Variants in PDXDC1 observed in about 807,000 individuals in gnomAD.
PDXDC1 encodes the protein pyridoxal dependent decarboxylase domain containing 1, also known as pyridoxal-dependent decarboxylase domain-containing protein 1.
In PDXDC1, 42 loss-of-function variants were observed where a neutral mutation model predicts 100.1. The observed-to-expected ratio is 0.42, with a 90% CI of 0.33 to 0.54. The LOEUF is 0.54. Ranked by LOEUF, PDXDC1 falls within the 20% of genes least tolerant of loss-of-function variation. The probability of loss-of-function intolerance (pLI) is 0.10; values close to 1 mark genes in which losing one functional copy is unlikely to be tolerated. For missense variants in PDXDC1, 636 were observed against 979.2 expected (o/e 0.65, Z 4.68); for synonymous variants, 260 against 371.7 (o/e 0.70, Z 3.46).
At chr16:15,104,336 T>A in intron 16 of PDXDC1, 1 of 1,581,316 alleles carries the variant, frequency 6.3e-7, no homozygotes, top group Non-Finnish European at 8.6e-7. Flanking sequence ...ATATTATTTA[T>A]TTATTCTTCG....
Position 15,135,614 on chromosome 16 carries a change from G to A in PDXDC1, c.1400-3265G>A. On this transcript the variant is annotated intron_variant, in intron 16 of 16. Transcript: ENST00000535621. ...TCTGGGCTCATGGGTGTGGACGGGT[G>A]AGGGGCATGGAGGACGGCCCTGCCA... 2.5e-5 allele frequency: 39 copies of A among 1,532,832 alleles called. 1 individual carries two copies. Among genetic ancestry groups the A allele is most frequent in the Non-Finnish European group, 3.4e-5 (38 of 1,115,148 alleles). The allele number at this position is 1,532,832 out of a possible 1,614,324, so 95.0% of individuals were successfully genotyped here. A position where few individuals can be genotyped will look rare whatever the true frequency, so the allele number is the denominator to read the frequency against.
At chr16:14,983,636 ACAG>A (rs1387750727) in intron 1 of PDXDC1, among the ~76,000 whole-genome samples, 1 of 152,208 alleles carries the variant, frequency 6.6e-6, no homozygotes, top group East Asian at 1.9e-4. Context: ...TATGTCTTAA[ACAG>A]CAGTTATTCA....
At chr16:15,130,783 G>T (rs1270880089) in intron 16 of PDXDC1, 19 of 1,060,398 alleles carry the variant, frequency 1.8e-5, no homozygotes, top group Non-Finnish European at 2.5e-5. Flanking sequence ...TCCTCAGACA[G>T]GTAGCGGCCT....
intron 2 of PDXDC1, 84 bp downstream of exon 2, chr16:14,997,910 C>G (rs754349469): frequency 1.4e-6 from 2 of 1,426,856 alleles, no homozygotes; most frequent in Non-Finnish European, 9.5e-7. Flanking sequence ...TTAAAGGTGC[C>G]TCTTGGCTTC....
chr16:15,014,909 G>T (rs1319680372), intron 8 of PDXDC1, among the ~76,000 whole-genome samples: 1 of 152,198 alleles, frequency 6.6e-6, no homozygotes, highest in Non-Finnish European at 1.5e-5. Flanking sequence ...AGGAACCTGG[G>T]TGGAAACAAA....
chr16:15,000,830 T>C (rs1294674768), intron 3 of PDXDC1, among the ~76,000 whole-genome samples: 3 of 151,088 alleles, frequency 2.0e-5, no homozygotes, highest in Non-Finnish European at 2.9e-5. Flanking sequence ...AAATTAGATA[T>C]ACCAGTGGCA....
intron 16 of PDXDC1, among the ~76,000 whole-genome samples, chr16:15,063,827 C>T (rs948487925): frequency 6.6e-6 from 1 of 152,030 alleles, no homozygotes; most frequent in Non-Finnish European, 1.5e-5. Flanking sequence ...TATTGAACTA[C>T]CGTTTTTCAT....
chr16:15,074,638 T>C, intron 16 of PDXDC1: 3 of 967,012 alleles, frequency 3.1e-6, no homozygotes, highest in Non-Finnish European at 4.5e-6. Context: ...ATTTTTAGTA[T>C]TACTAGAGAT....
chr16:15,083,543 A>T, intron 16 of PDXDC1: 2 of 1,609,324 alleles, frequency 1.2e-6, no homozygotes, highest in South Asian at 1.1e-5. Flanking sequence ...GAACAAATGG[A>T]AATTTTTCCA....
chr16:14,999,216 A>G (rs1972630359), intron 3 of PDXDC1, among the ~76,000 whole-genome samples: 1 of 152,268 alleles, frequency 6.6e-6, no homozygotes, highest in Admixed American at 6.5e-5. Context: ...ATAGGCACCC[A>G]CCACCACGCC....
At chr16:15,092,434 T>C in intron 16 of PDXDC1, 2 of 850,410 alleles carry the variant, frequency 2.4e-6, no homozygotes, top group Non-Finnish European at 4.0e-6. Context: ...GCTATTTCTA[T>C]TGGTCTTTAG....
In PDXDC1 at chr16:15,034,448, G is replaced by C; in HGVS notation, c.1906-9G>C. 3.7e-6 allele frequency: 6 copies of C among 1,614,068 alleles called. No homozygotes were observed. Among genetic ancestry groups the C allele is most frequent in the Non-Finnish European group, 5.1e-6 (6 of 1,179,980 alleles). ...CCAGGTGGCCCTGAACTCTGGTCCT[G>C]TCTTGCAGGGGGTGTTGCGGCAGAT... On this transcript the variant is annotated splice_polypyrimidine_tract_variant and intron_variant, in intron 20 of 22. Transcript: ENST00000396410.
intron 4 of PDXDC1, among the ~76,000 whole-genome samples, chr16:15,003,546 C>T (rs1184519131): frequency 1.3e-5 from 2 of 152,276 alleles, no homozygotes; most frequent in African/African-American, 4.8e-5. Context: ...ATGCTTTCAG[C>T]TCATTTTACC....
At chr16:15,088,281 G>A (rs150118691) in intron 16 of PDXDC1, among the ~76,000 whole-genome samples, 1 of 152,166 alleles carries the variant, frequency 6.6e-6, no homozygotes, top group Non-Finnish European at 1.5e-5. Context: ...TTTGAGACCA[G>A]CCTGGGCAAC....
At chr16:15,029,216 A>C (rs1468554309) in intron 15 of PDXDC1, 2 of 613,698 alleles carry the variant, frequency 3.3e-6, no homozygotes, top group Non-Finnish European at 5.8e-6. Context: ...GTGAGACAAC[A>C]GGCAAAAGGT....
intron 1 of PDXDC1, among the ~76,000 whole-genome samples, chr16:14,990,543 G>A (rs1378937961): frequency 1.3e-5 from 2 of 152,276 alleles, no homozygotes; most frequent in African/African-American, 2.4e-5. Flanking sequence ...GCATTCATTG[G>A]TTTAGATCTT....
chr16:15,044,288 C>G (rs757361107), intron 16 of PDXDC1: 1 of 1,310,810 alleles, frequency 7.6e-7, no homozygotes, highest in African/African-American at 1.5e-5. Flanking sequence ...AATATGGGTA[C>G]ATATTTATGT....
chr16:14,984,118 G>A (rs1448131774), intron 1 of PDXDC1, among the ~76,000 whole-genome samples: 2 of 152,156 alleles, frequency 1.3e-5, no homozygotes, highest in African/African-American at 4.8e-5. Flanking sequence ...AGCCACGATA[G>A]TGCCGCTGCA....
intron 16 of PDXDC1, chr16:15,134,898 C>G: frequency 2.9e-6 from 1 of 347,932 alleles, no homozygotes; most frequent in Non-Finnish European, 5.6e-6. Flanking sequence ...ACCACGGGCT[C>G]AGGGTCACCA....
Sources: allele counts gnomAD v4.1 joint callset (sites outside exome capture counted in the v4.1 genomes callset), GRCh38; gene constraint gnomAD v4.1.1; transcripts MANE v1.5; gene names NCBI Gene and HGNC (gene_info 2026-07-23, HGNC 2026-07-21).